FRK: variants seen among roughly 807,000 people sequenced by gnomAD.
FRK encodes the protein tyrosine-protein kinase FRK.
In FRK, 51 loss-of-function variants were observed where a neutral mutation model predicts 56.4. The ratio of observed to expected loss-of-function variants is 0.90; its 90% CI spans 0.72 to 1.14. The LOEUF (loss-of-function observed/expected upper bound fraction) is 1.14, where lower values mean the gene tolerates loss of function less well. Ranked by LOEUF, FRK falls within the 50% of genes most tolerant of loss-of-function variation. The probability of loss-of-function intolerance (pLI) is 0.00; values close to 1 mark genes in which losing one functional copy is unlikely to be tolerated. For missense variants in FRK, 570 were observed against 601.4 expected (o/e 0.95, Z 0.55); for synonymous variants, 245 against 217.9 (o/e 1.12, Z -1.10).
intron 1 of FRK, among the ~76,000 whole-genome samples, chr6:116,045,765 T>A (rs912396124): frequency 6.6e-6 from 1 of 151,896 alleles, no homozygotes; most frequent in African/African-American, 2.4e-5. Context: ...CCAAAAGCAA[T>A]GGCAACAAAA....
the FRK span, among the ~76,000 whole-genome samples, chr6:116,067,536 A>G: frequency 5.9e-5 from 9 of 152,250 alleles, no homozygotes; most frequent in African/African-American, 2.2e-4. Flanking sequence ...ATGTCCCTAG[A>G]GCTTAACCTG....
chr6:115,969,343 G>A (rs1773712589), intron 2 of FRK, among the ~76,000 whole-genome samples: 1 of 152,082 alleles, frequency 6.6e-6, no homozygotes, highest in Admixed American at 6.6e-5. Context: ...AAATGATGCA[G>A]TCCACACATG....
Position 115,956,626 on chromosome 6 carries a change from G to A in FRK, c.800-16C>T. On this transcript the variant is annotated splice_polypyrimidine_tract_variant and intron_variant, in intron 4 of 7. Transcript: ENST00000606080. ...TCCATTGAACCTGAAACAAGAAGAG[G>A]GAGAAATCACTTTATGTTATTGAGG... 6.6e-7 allele frequency: 1 copy of A among 1,519,528 alleles called. No homozygotes were observed. Among genetic ancestry groups the A allele is most frequent in the Non-Finnish European group, 8.8e-7 (1 of 1,131,514 alleles). 94.1% of individuals were successfully genotyped at this position (1,519,528 alleles called of 1,614,324 possible).
intron 1 of FRK, among the ~76,000 whole-genome samples, chr6:116,047,273 T>G (rs1304887995): frequency 6.6e-6 from 1 of 152,046 alleles, no homozygotes; most frequent in African/African-American, 2.4e-5. Flanking sequence ...GGATACTGAA[T>G]ACTTACCAAA....
intron 2 of FRK, among the ~76,000 whole-genome samples, chr6:115,981,782 T>A (rs1483946532): frequency 6.6e-6 from 1 of 152,144 alleles, no homozygotes; most frequent in African/African-American, 2.4e-5. Context: ...AGCTAATTTA[T>A]TTTCATAGCA....
At chr6:116,028,406 T>C (rs1418265825) in intron 1 of FRK, among the ~76,000 whole-genome samples, 1 of 152,156 alleles carries the variant, frequency 6.6e-6, no homozygotes, top group African/African-American at 2.4e-5. Flanking sequence ...TTCAGTGTGT[T>C]AGTCAGCTAG....
At chr6:116,002,786 TCGG>T (rs1410414721) in intron 2 of FRK, 1 of 442,884 alleles carries the variant, frequency 2.3e-6, no homozygotes, top group Non-Finnish European at 4.6e-6. Flanking sequence ...GTACGGACCC[TCGG>T]CAACACCTGC....
intron 1 of FRK, among the ~76,000 whole-genome samples, chr6:116,053,966 A>G (rs906624172): frequency 1.3e-5 from 2 of 152,008 alleles, no homozygotes; most frequent in Non-Finnish European, 2.9e-5. Flanking sequence ...TTCAACTGGG[A>G]TTTTAACATA....
chr6:116,051,421 GA>G lies in FRK; in HGVS notation c.344+8546del, dbSNP rs1777176172. Among the ~76,000 whole-genome samples, 3 of 152,064 alleles carry G rather than the reference GA, an allele frequency of 2.0e-5. No homozygotes were observed. In the East Asian group the frequency reaches 5.8e-4, roughly 29 times the overall value. On this transcript the variant is annotated intron_variant, in intron 1 of 7. Transcript: ENST00000606080. The stretch of plus-strand genomic sequence containing the variant: ...AAATATTCAACTAAAAAACTTTGTA[GA>G]AAAAAATTGCATCATGACAGAAAGA...
chr6:116,066,421 TTA>T, the FRK span, among the ~76,000 whole-genome samples: 27 of 151,188 alleles, frequency 1.8e-4, no homozygotes, highest in African/African-American at 5.8e-4. Context: ...AAACTCCCCT[TTA>T]TATATATATA....
At chr6:116,035,012 C>A (rs531559393) in intron 1 of FRK, among the ~76,000 whole-genome samples, 1 of 151,940 alleles carries the variant, frequency 6.6e-6, no homozygotes, top group Non-Finnish European at 1.5e-5. Context: ...AGTAATGGTA[C>A]CTAGTGGTAC....
chr6:115,946,706 G>A (rs1025415600), intron 5 of FRK, among the ~76,000 whole-genome samples: 10 of 152,174 alleles, frequency 6.6e-5, no homozygotes, highest in African/African-American at 2.4e-4. Flanking sequence ...AATATTGAGG[G>A]TGGGCAGAGG....
At chr6:115,950,483 C>T (rs961726394) in intron 5 of FRK, among the ~76,000 whole-genome samples, 4 of 152,178 alleles carry the variant, frequency 2.6e-5, no homozygotes, top group Admixed American at 2.6e-4. Flanking sequence ...CATGTCATGT[C>T]AGTTAGAATG....
At chr6:116,041,984 C>G (rs1230456801) in intron 1 of FRK, among the ~76,000 whole-genome samples, 1 of 152,196 alleles carries the variant, frequency 6.6e-6, no homozygotes, top group Non-Finnish European at 1.5e-5. Flanking sequence ...GCCCAGCAAG[C>G]TAAGATCCAC....
At chr6:116,027,703 G>T (rs1238989352) in intron 1 of FRK, among the ~76,000 whole-genome samples, 2 of 151,876 alleles carry the variant, frequency 1.3e-5, no homozygotes, top group African/African-American at 2.4e-5. Flanking sequence ...TTGTAATCCA[G>T]TCCTATAGGT....
intron 4 of FRK, among the ~76,000 whole-genome samples, chr6:115,962,359 T>A (rs1244182982): frequency 2.6e-5 from 4 of 151,010 alleles, no homozygotes; most frequent in African/African-American, 7.3e-5. Context: ...TCCTAAATAT[T>A]TATGCACCCA....
rs149651678 is a variant in FRK, at chr6:115,973,672, C to T, written c.467-4933G>A. Among the ~76,000 whole-genome samples the T allele has an allele frequency of 2.8e-4, 43 of 152,206 alleles. No individual in the cohort carries two copies. The East Asian group carries it at 5.0e-3, about 18-fold the overall frequency. ...ATCACTTGAGGACAGGAGTTCAAGA[C>T]CAGCCTGGCCAATATGGCAAAACCC... On this transcript the variant is annotated intron_variant, in intron 2 of 7. Transcript: ENST00000606080.
At chr6:116,013,973 G>GCA (rs887026905) in intron 1 of FRK, among the ~76,000 whole-genome samples, 27 of 152,026 alleles carry the variant, frequency 1.8e-4, no homozygotes, top group Middle Eastern at 3.4e-3. Context: ...GACTGCTATA[G>GCA]CACACACACA....
chr6:115,992,034 G>C (rs987845468), intron 2 of FRK, among the ~76,000 whole-genome samples: 5 of 151,334 alleles, frequency 3.3e-5, no homozygotes, highest in African/African-American at 7.3e-5. Context: ...ATTTCTGACT[G>C]TGCTTCTTTG....
Sources: allele counts gnomAD v4.1 joint callset (sites outside exome capture counted in the v4.1 genomes callset), GRCh38; gene constraint gnomAD v4.1.1; transcripts MANE v1.5; gene names NCBI Gene and HGNC (gene_info 2026-07-23, HGNC 2026-07-21).